Variants in NCAM2 observed in about 807,000 individuals in gnomAD.
NCAM2 encodes the protein N-CAM-2.
Under a neutral mutation model 98.1 loss-of-function variants are expected in NCAM2, and 30 were observed. That is an observed-to-expected ratio of 0.31 (90% confidence interval 0.23 to 0.41). The LOEUF is 0.41. Ranked by LOEUF, NCAM2 falls within the 10% of genes least tolerant of loss-of-function variation. NCAM2 has a pLI of 1.00. For synonymous variants in NCAM2, 368 were observed against 342.4 expected, an observed-to-expected ratio of 1.07 and a Z score of -0.83; for missense variants, 867 against 1,005.8, an observed-to-expected ratio of 0.86 and a Z score of 1.87.
chr21:21,256,197 A>C (rs79480992), intron 1 of NCAM2, among the ~76,000 whole-genome samples: 8,303 of 152,156 alleles, frequency 0.055, 377 homozygotes, highest in East Asian at 0.25. Flanking sequence ...TCTACTAAAA[A>C]CAACAAAAAT....
chr21:21,209,637 A>T (rs1286349088), intron 1 of NCAM2, among the ~76,000 whole-genome samples: 2 of 152,304 alleles, frequency 1.3e-5, no homozygotes, highest in Admixed American at 1.3e-4. Flanking sequence ...AGGTTATTGC[A>T]GAGGTTGTCT....
intron 6 of NCAM2, among the ~76,000 whole-genome samples, chr21:21,330,468 TA>T (rs1177815571): frequency 6.6e-6 from 1 of 152,116 alleles, no homozygotes; most frequent in Non-Finnish European, 1.5e-5. Context: ...GATTTTTAAC[TA>T]AATTCTATAC....
At chr21:21,352,392 G>A (rs1167886724) in intron 8 of NCAM2, among the ~76,000 whole-genome samples, 3 of 152,054 alleles carry the variant, frequency 2.0e-5, no homozygotes, top group Admixed American at 6.6e-5. Flanking sequence ...AGAGGGCTGG[G>A]ATTACAGACA....
chr21:21,472,967 TACACACACACACAC>T (rs3039039), intron 14 of NCAM2, among the ~76,000 whole-genome samples: 1 of 142,386 alleles, frequency 7.0e-6, no homozygotes, highest in African/African-American at 2.5e-5. Flanking sequence ...TACATATATG[TACACACACACACAC>T]ACACACACAC....
intron 5 of NCAM2, among the ~76,000 whole-genome samples, chr21:21,313,286 C>T (rs1368800029): frequency 6.6e-6 from 1 of 151,604 alleles, no homozygotes. Context: ...TCTTGTTTAT[C>T]TAGTTTATTA....
intron 1 of NCAM2, among the ~76,000 whole-genome samples, chr21:21,269,405 C>G (rs1601824216): frequency 6.6e-6 from 1 of 152,170 alleles, no homozygotes; most frequent in Non-Finnish European, 1.5e-5. Context: ...CACATCTCCT[C>G]AGTGAGTCCA....
At chr21:21,021,371 T>C (rs1480408017) in intron 1 of NCAM2, among the ~76,000 whole-genome samples, 1 of 152,172 alleles carries the variant, frequency 6.6e-6, no homozygotes, top group Non-Finnish European at 1.5e-5. Context: ...ATGATGACTT[T>C]TTTGGTTCTC....
At chr21:21,533,060 A>G (rs1040837000) in intron 16 of NCAM2, among the ~76,000 whole-genome samples, 1 of 151,720 alleles carries the variant, frequency 6.6e-6, no homozygotes, top group African/African-American at 2.4e-5. Flanking sequence ...TGGAACTGTG[A>G]TCTGATCAAA....
chr21:21,041,975 A>G (rs2064915367), intron 1 of NCAM2, among the ~76,000 whole-genome samples: 2 of 152,200 alleles, frequency 1.3e-5, no homozygotes, highest in Non-Finnish European at 2.9e-5. Flanking sequence ...CCAATTTGTA[A>G]CAGGTTGAAT....
chr21:21,498,715 A>G (rs2146328775), intron 15 of NCAM2, among the ~76,000 whole-genome samples: 1 of 152,302 alleles, frequency 6.6e-6, no homozygotes, highest in African/African-American at 2.4e-5. Flanking sequence ...GAAGTACAGT[A>G]TTTATTTTGG....
At chr21:21,432,346 G>T in intron 12 of NCAM2, 65 bp downstream of exon 12, 2 of 1,440,764 alleles carry the variant, frequency 1.4e-6, no homozygotes, top group Non-Finnish European at 9.5e-7. Context: ...CTGTATGATT[G>T]GCTTTTTCGG....
intron 1 of NCAM2, among the ~76,000 whole-genome samples, chr21:21,009,034 G>A (rs763991443): frequency 6.6e-6 from 1 of 152,110 alleles, no homozygotes; most frequent in Non-Finnish European, 1.5e-5. Context: ...ATGGGAGCAA[G>A]AATGCCTTTC....
At position 21,520,189 on chromosome 21, in the gene NCAM2, C is replaced by T. The variant is rs565275729; in HGVS notation, c.2282+11134C>T. On this transcript the variant is annotated intron_variant, in intron 16 of 17. Transcript: ENST00000400546. ...AACATCTATACAACAAGAGACAACT[C>T]TAACTTCTGTGAATACAACTTGTGA... Among the ~76,000 whole-genome samples, 22 of 152,172 alleles carry T rather than the reference C, an allele frequency of 1.4e-4. No individual in the cohort carries two copies. In the East Asian group the frequency reaches 4.1e-3, roughly 28 times the overall value.
At position 21,539,614 on chromosome 21, in the gene NCAM2, A is replaced by G. The variant is rs1990149560; in HGVS notation, c.*1657A>G. 1 of 152,228 alleles carries G rather than the reference A, an allele frequency of 6.6e-6. No homozygotes were observed. The highest frequency in any genetic ancestry group is 6.5e-5 in the Admixed American group (1 of 15,270). 9.4% of individuals were successfully genotyped at this position (152,228 alleles called of 1,614,324 possible). A position where few individuals can be genotyped will look rare whatever the true frequency, so the allele number is the denominator to read the frequency against. On this transcript the variant is annotated 3_prime_UTR_variant, in exon 18 of 18. Coordinates refer to ENST00000400546, the MANE Select transcript of NCAM2 (RefSeq NM_004540.5). The stretch of plus-strand genomic sequence containing the variant: ...TATATAATTCATCACTTTTCTGGCT[A>G]CAGCAGGACAGAATATGACCATCTT...
At chr21:21,133,878 G>A (rs17794576) in intron 1 of NCAM2, among the ~76,000 whole-genome samples, 9,731 of 152,192 alleles carry the variant, frequency 0.064, 497 homozygotes, top group East Asian at 0.29. Flanking sequence ...TCAGAAAGGG[G>A]AGAAAGTTGA....
At chr21:21,393,206 CT>C (rs2076419758) in intron 9 of NCAM2, among the ~76,000 whole-genome samples, 1 of 152,072 alleles carries the variant, frequency 6.6e-6, no homozygotes, top group African/African-American at 2.4e-5. Context: ...ATAGGGAATC[CT>C]TTTCCCATTG....
intron 1 of NCAM2, among the ~76,000 whole-genome samples, chr21:21,197,961 T>G (rs1384732598): frequency 6.6e-6 from 1 of 152,208 alleles, no homozygotes; most frequent in Non-Finnish European, 1.5e-5. Flanking sequence ...ACTGGAGATA[T>G]AACCAGTGGT....
chr21:21,120,126 T>C (rs2066641547), intron 1 of NCAM2, among the ~76,000 whole-genome samples: 1 of 152,208 alleles, frequency 6.6e-6, no homozygotes, highest in Admixed American at 6.5e-5. Context: ...TTGTTCCTTG[T>C]ATGCTGTAGA....
intron 5 of NCAM2, among the ~76,000 whole-genome samples, chr21:21,322,343 A>G (rs774337943): frequency 6.6e-6 from 1 of 152,126 alleles, no homozygotes; most frequent in Middle Eastern, 3.4e-3. Context: ...AAAACTACCT[A>G]TTGGGTATCA....
Sources: allele counts gnomAD v4.1 joint callset (sites outside exome capture counted in the v4.1 genomes callset), GRCh38; gene constraint gnomAD v4.1.1; transcripts MANE v1.5; gene names NCBI Gene and HGNC (gene_info 2026-07-23, HGNC 2026-07-21).